The following SEMA3E variants were observed in gnomAD, a reference collection of about 807,000 sequenced individuals.
SEMA3E encodes semaphorin-3E.
In SEMA3E, 49 loss-of-function variants were observed where a neutral mutation model predicts 93.6. That is an observed-to-expected ratio of 0.52 (90% CI 0.42 to 0.66). The LOEUF (loss-of-function observed/expected upper bound fraction) is 0.66. Ranked by LOEUF, SEMA3E falls within the 30% of genes least tolerant of loss-of-function variation. SEMA3E has a pLI of 0.00. For synonymous variants in SEMA3E, 363 were observed against 330.7 expected (o/e 1.10, Z -1.06); for missense variants, 906 against 964.8 (o/e 0.94, Z 0.81).
At chr7:83,527,941 G>T (rs1791196183) in intron 1 of SEMA3E, among the ~76,000 whole-genome samples, 1 of 151,908 alleles carries the variant, frequency 6.6e-6, no homozygotes, top group African/African-American at 2.4e-5. Flanking sequence ...CCAAGAAAAA[G>T]AATAAGTTAG....
chr7:83,615,339 T>C (rs1244930523), intron 1 of SEMA3E, among the ~76,000 whole-genome samples: 1 of 151,410 alleles, frequency 6.6e-6, no homozygotes, highest in East Asian at 1.9e-4. Context: ...TCATATGAGA[T>C]TTTTTTTTAA....
chr7:83,393,948 TAGAG>T (rs1166305413), intron 13 of SEMA3E, among the ~76,000 whole-genome samples: 1 of 152,152 alleles, frequency 6.6e-6, no homozygotes, highest in Non-Finnish European at 1.5e-5. Context: ...TTCCTTTCTA[TAGAG>T]ATAGAAAATG....
intron 5 of SEMA3E, among the ~76,000 whole-genome samples, chr7:83,412,818 A>G (rs1788468450): frequency 1.3e-5 from 2 of 151,804 alleles, no homozygotes; most frequent in Non-Finnish European, 2.9e-5. Flanking sequence ...ACTGTTTCAG[A>G]GAGAAAATAT....
intron 16 of SEMA3E, among the ~76,000 whole-genome samples, chr7:83,381,860 T>C (rs1787784923): frequency 6.6e-6 from 1 of 151,970 alleles, no homozygotes; most frequent in African/African-American, 2.4e-5. Context: ...GGAAATACAT[T>C]GATGTCTATA....
intron 4 of SEMA3E, among the ~76,000 whole-genome samples, chr7:83,453,449 G>T (rs949916608): frequency 6.8e-6 from 1 of 147,690 alleles, no homozygotes; most frequent in African/African-American, 2.5e-5. Context: ...ACCATTGTCA[G>T]GTAATCTCTA....
Position 83,363,996 on chromosome 7 carries a change from G to A in SEMA3E, c.*3590C>T, listed in dbSNP as rs1303157571. ...TGCAAGCTCCGCTTCCCGGGTTCAC[G>A]CCATTCTCCTGCCTCAGCCTCCCAA... On this transcript the variant is annotated 3_prime_UTR_variant, in exon 17 of 17. Coordinates refer to ENST00000643230, the MANE Select transcript of SEMA3E (RefSeq NM_012431.3). The A allele has an allele frequency of 1.4e-5, 2 of 143,950 alleles. No individual in the cohort carries two copies. Among genetic ancestry groups the A allele is most frequent in the South Asian group, 2.3e-4 (1 of 4,428 alleles). 8.9% of individuals were successfully genotyped at this position (143,950 alleles called of 1,614,324 possible). A position where few individuals can be genotyped will look rare whatever the true frequency, so the allele number is the denominator to read the frequency against.
rs1794680144 is a variant in SEMA3E at position 83,367,080 on chromosome 7, T to G, written c.*506A>C. 5.9e-6 allele frequency: 1 copy of G among 168,948 alleles called. No homozygotes were observed. Among genetic ancestry groups the G allele is most frequent in the Non-Finnish European group, 1.3e-5 (1 of 78,172 alleles). 10.5% of individuals were successfully genotyped at this position (168,948 alleles called of 1,614,324 possible). On this transcript the variant is annotated 3_prime_UTR_variant, in exon 17 of 17. Transcript: ENST00000643230. ...TCACAACACACCTGCTACTTAACACTCATGGCTTAAACAACACTAATAAAA... is the reference window on the plus strand; with the variant it reads ...TCACAACACACCTGCTACTTAACACGCATGGCTTAAACAACACTAATAAAA...
intron 1 of SEMA3E, among the ~76,000 whole-genome samples, chr7:83,606,104 C>T (rs1793112104): frequency 6.6e-6 from 1 of 152,296 alleles, no homozygotes; most frequent in East Asian, 1.9e-4. Flanking sequence ...GTTTTGTCAG[C>T]ATTCAGCATC....
intron 1 of SEMA3E, among the ~76,000 whole-genome samples, chr7:83,519,128 C>T (rs1339283040): frequency 6.6e-6 from 1 of 151,886 alleles, no homozygotes; most frequent in Admixed American, 6.6e-5. Flanking sequence ...CCGCTACCCC[C>T]ACCCCACAAC....
At chr7:83,647,169 T>A (rs1309835145) in intron 1 of SEMA3E, among the ~76,000 whole-genome samples, 1 of 152,126 alleles carries the variant, frequency 6.6e-6, no homozygotes, top group East Asian at 1.9e-4. Context: ...TATTATCTAC[T>A]GGATAGTATT....
intron 4 of SEMA3E, among the ~76,000 whole-genome samples, chr7:83,436,955 C>G (rs1789017524): frequency 6.6e-6 from 1 of 152,076 alleles, no homozygotes; most frequent in South Asian, 2.1e-4. Context: ...CAAGGAGGAG[C>G]AAGTTATGTC....
At chr7:83,538,947 C>G (rs763438204) in intron 1 of SEMA3E, among the ~76,000 whole-genome samples, 1 of 152,140 alleles carries the variant, frequency 6.6e-6, no homozygotes, top group Non-Finnish European at 1.5e-5. Context: ...TTTCCTGGAT[C>G]CCATGACTTT....
At chr7:83,493,153 C>T (rs1053616641) in intron 1 of SEMA3E, among the ~76,000 whole-genome samples, 2 of 151,826 alleles carry the variant, frequency 1.3e-5, no homozygotes, top group Non-Finnish European at 2.9e-5. Context: ...CAAATCGACA[C>T]TTAGATGTTT....
intron 5 of SEMA3E, among the ~76,000 whole-genome samples, chr7:83,415,913 A>G (rs749710044): frequency 6.6e-6 from 1 of 152,122 alleles, no homozygotes; most frequent in Non-Finnish European, 1.5e-5. Context: ...ACCCATCAGC[A>G]GAGAACATGT....
chr7:83,600,701 A>T (rs1792976936), intron 1 of SEMA3E, among the ~76,000 whole-genome samples: 1 of 151,856 alleles, frequency 6.6e-6, no homozygotes, highest in Admixed American at 6.6e-5. Context: ...AAGATGAAAC[A>T]GAAAAAAATA....
chr7:83,432,731 A>G (rs1162444418), intron 4 of SEMA3E, among the ~76,000 whole-genome samples: 2 of 152,206 alleles, frequency 1.3e-5, no homozygotes, highest in Admixed American at 1.3e-4. Flanking sequence ...AATTTCAAAG[A>G]GAACTTGATC....
chr7:83,416,561 A>T (rs3801499), intron 5 of SEMA3E, among the ~76,000 whole-genome samples: 2 of 152,034 alleles, frequency 1.3e-5, no homozygotes, highest in Non-Finnish European at 2.9e-5. Context: ...CTATAGAAGC[A>T]GCATATACTG....
rs762161338 is a variant in SEMA3E, at chr7:83,408,367, C to G, written c.670+1G>C. Reference sequence around the variant, plus strand: ...TCACATACTCTTTTCCTCATCCTTACCTTTCAACAGACGCTCATCGTCATG... The same window carrying G: ...TCACATACTCTTTTCCTCATCCTTAGCTTTCAACAGACGCTCATCGTCATG... On this transcript the variant is annotated splice_donor_variant, in intron 6 of 16. Transcript: ENST00000643230. LOFTEE classifies it high-confidence loss of function. 3.1e-6 allele frequency: 5 copies of G among 1,613,560 alleles called. No individual in the cohort carries two copies. The highest frequency in any genetic ancestry group is 8.5e-7 in the Non-Finnish European group (1 of 1,179,776).
intron 4 of SEMA3E, among the ~76,000 whole-genome samples, chr7:83,450,329 C>A (rs1394106057): frequency 6.6e-6 from 1 of 152,090 alleles, no homozygotes; most frequent in Non-Finnish European, 1.5e-5. Context: ...ATGCTCATAG[C>A]AGCACAATTA....
Sources: gnomAD v4.1 joint callset for allele counts (sites outside exome capture counted in the v4.1 genomes callset) on GRCh38, gnomAD v4.1.1 for gene constraint, MANE v1.5 for transcripts, NCBI Gene and HGNC (gene_info 2026-07-23, HGNC 2026-07-21) for gene names.